ST3GAL3: variants seen among roughly 807,000 people sequenced by gnomAD.
ST3GAL3 encodes CMP-N-acetylneuraminate-beta-1,4-galactoside alpha-2,3-sialyltransferase.
A neutral mutation model predicts 50.1 loss-of-function variants in ST3GAL3; 21 were observed. The ratio of observed to expected loss-of-function variants is 0.42; its 90% CI spans 0.30 to 0.60. The LOEUF is 0.60. Ranked by LOEUF, ST3GAL3 falls within the 20% of genes least tolerant of loss-of-function variation. The probability of loss-of-function intolerance (pLI) is 0.19; values close to 1 mark genes in which losing one functional copy is unlikely to be tolerated. For synonymous variants in ST3GAL3, 183 were observed against 190.0 expected, an observed-to-expected ratio of 0.96 and a Z score of 0.30; for missense variants, 353 against 489.4, an observed-to-expected ratio of 0.72 and a Z score of 2.63.
At chr1:43,744,582 C>G (rs6686238) in intron 2 of ST3GAL3, among the ~76,000 whole-genome samples, 103,982 of 150,756 alleles carry the variant, frequency 0.69, 36,216 homozygotes, top group Non-Finnish European at 0.73. Flanking sequence ...AAAAAATAAA[C>G]AGTGAGCTTG....
chr1:43,902,750 C>T (rs556065494), intron 9 of ST3GAL3, among the ~76,000 whole-genome samples: 6 of 152,308 alleles, frequency 3.9e-5, no homozygotes, highest in African/African-American at 1.4e-4. Context: ...GGGGTGCAGC[C>T]TCCAGCTCCG....
At chr1:43,803,615 G>T (rs906295565) in intron 3 of ST3GAL3, among the ~76,000 whole-genome samples, 6 of 152,034 alleles carry the variant, frequency 3.9e-5, no homozygotes, top group African/African-American at 1.2e-4. Flanking sequence ...TTAATGCATG[G>T]GATCCTTTTG....
chr1:43,866,442 C>T (rs1178239309), intron 5 of ST3GAL3, among the ~76,000 whole-genome samples: 1 of 152,010 alleles, frequency 6.6e-6, no homozygotes, highest in Non-Finnish European at 1.5e-5. Flanking sequence ...AATTTAGCCA[C>T]ATGTGGTGGT....
At chr1:43,828,430 G>T (rs2063101812) in intron 4 of ST3GAL3, among the ~76,000 whole-genome samples, 1 of 152,094 alleles carries the variant, frequency 6.6e-6, no homozygotes, top group South Asian at 2.1e-4. Flanking sequence ...CTTGTACTCT[G>T]TGAAGTTCAC....
rs116231198 is a variant in ST3GAL3 at position 43,847,971 on chromosome 1, C to T, written c.302+9660C>T. 3.3e-3 allele frequency among the ~76,000 whole-genome samples: 506 copies of T among 152,140 alleles called. 2 individuals are homozygous for T. The highest frequency in any genetic ancestry group is 0.011 in the African/African-American group (467 of 41,498). ...TTTAACATTTCTTGTGGGGCAGGTC[C>T]GATGACTGCGAAGTCTTTCAGTGTT... is the stretch of plus-strand genomic sequence containing the variant. On this transcript the variant is annotated intron_variant, in intron 5 of 11. Coordinates refer to ENST00000347631, the MANE Select transcript of ST3GAL3 (RefSeq NM_006279.5).
chr1:43,712,019 G>A (rs1665015103), intron 1 of ST3GAL3, among the ~76,000 whole-genome samples: 1 of 152,150 alleles, frequency 6.6e-6, no homozygotes, highest in African/African-American at 2.4e-5. Flanking sequence ...GCTGGTTGGA[G>A]CCCTGGTTCA....
chr1:43,909,499 C>T (rs1019010907), intron 9 of ST3GAL3, among the ~76,000 whole-genome samples: 31 of 152,226 alleles, frequency 2.0e-4, no homozygotes, highest in Middle Eastern at 3.2e-3. Flanking sequence ...TTGTTCATCG[C>T]TTTTTTCCAA....
At chr1:43,718,212 CAG>C (rs1305563748) in intron 1 of ST3GAL3, among the ~76,000 whole-genome samples, 2 of 59,226 alleles carry the variant, frequency 3.4e-5, no homozygotes. Context: ...TTTTTTGAGG[CAG>C]AGTCTTGCTC....
At chr1:43,852,450 T>C (rs1256425811) in intron 5 of ST3GAL3, among the ~76,000 whole-genome samples, 1 of 152,232 alleles carries the variant, frequency 6.6e-6, no homozygotes, top group Non-Finnish European at 1.5e-5. Context: ...TTTGTTATTG[T>C]GTATATAACT....
At chr1:43,783,686 C>T (rs1700064110) in intron 2 of ST3GAL3, among the ~76,000 whole-genome samples, 1 of 152,242 alleles carries the variant, frequency 6.6e-6, no homozygotes, top group Middle Eastern at 3.4e-3. Context: ...TTCATTCCAC[C>T]TGCTTGAGTC....
At chr1:43,709,985 C>T (rs746626710) in intron 1 of ST3GAL3, among the ~76,000 whole-genome samples, 35 of 152,216 alleles carry the variant, frequency 2.3e-4, no homozygotes, top group Admixed American at 3.9e-4. Flanking sequence ...AACCCAGAAG[C>T]GGCACCTCAA....
intron 2 of ST3GAL3, among the ~76,000 whole-genome samples, chr1:43,740,852 G>A (rs528428497): frequency 4.0e-5 from 6 of 150,480 alleles, no homozygotes; most frequent in Admixed American, 3.3e-4. Context: ...GAAGGAGAGA[G>A]GGAGTGAGGG....
chr1:43,834,910 A>G (rs1390518013), intron 4 of ST3GAL3, among the ~76,000 whole-genome samples: 1 of 152,154 alleles, frequency 6.6e-6, no homozygotes, highest in Non-Finnish European at 1.5e-5. Flanking sequence ...TCCAGATCTG[A>G]TGCTTTTTCC....
intron 3 of ST3GAL3, among the ~76,000 whole-genome samples, chr1:43,797,876 G>A (rs1168746306): frequency 6.6e-6 from 1 of 152,172 alleles, no homozygotes; most frequent in Non-Finnish European, 1.5e-5. Flanking sequence ...TAATAACTGA[G>A]TTTAGCAAGA....
intron 5 of ST3GAL3, among the ~76,000 whole-genome samples, chr1:43,891,391 GA>G (rs2076665795): frequency 1.3e-5 from 2 of 152,176 alleles, no homozygotes; most frequent in African/African-American, 4.8e-5. Flanking sequence ...CCAACATAGT[GA>G]AACCTCATTG....
chr1:43,841,523 C>A (rs1393526224), intron 5 of ST3GAL3: 2 of 152,274 alleles, frequency 1.3e-5, no homozygotes, highest in Non-Finnish European at 2.9e-5. Context: ...GTACCTTGCC[C>A]TTTTTGAGAC....
intron 9 of ST3GAL3, among the ~76,000 whole-genome samples, chr1:43,906,211 G>A (rs1269954151): frequency 2.6e-5 from 2 of 75,906 alleles, no homozygotes; most frequent in Non-Finnish European, 4.8e-5. Context: ...TCCCCTTCCT[G>A]CCACTCTTCC....
chr1:43,765,072 G>A (rs1692039819), intron 2 of ST3GAL3, among the ~76,000 whole-genome samples: 1 of 152,198 alleles, frequency 6.6e-6, no homozygotes, highest in African/African-American at 2.4e-5. Flanking sequence ...GTGAACTCTA[G>A]TGTAACCAAC....
At chr1:43,740,044 T>A (rs1306327156) in intron 2 of ST3GAL3, among the ~76,000 whole-genome samples, 1 of 152,138 alleles carries the variant, frequency 6.6e-6, no homozygotes, top group African/African-American at 2.4e-5. Flanking sequence ...TGTGCTTGAT[T>A]CTTCATCTCC....
Sources: allele counts gnomAD v4.1 joint callset (sites outside exome capture counted in the v4.1 genomes callset), GRCh38; gene constraint gnomAD v4.1.1; transcripts MANE v1.5; gene names NCBI Gene and HGNC (gene_info 2026-07-23, HGNC 2026-07-21).